The following PIBF1 variants were observed in gnomAD, a reference collection of about 807,000 sequenced individuals.
PIBF1 encodes progesterone immunomodulatory binding factor 1.
Under a neutral mutation model 112.5 loss-of-function variants are expected in PIBF1, and 90 were observed. The ratio of observed to expected loss-of-function variants is 0.80; its 90% CI spans 0.67 to 0.95. The LOEUF is 0.95. PIBF1 is among the 40% of genes least tolerant of loss of function. The probability of loss-of-function intolerance (pLI) is 0.00; values close to 1 mark genes in which losing one functional copy is unlikely to be tolerated. For missense variants in PIBF1, 915 were observed against 852.3 expected, an observed-to-expected ratio of 1.07 and a Z score of -0.92; for synonymous variants, 301 against 288.6, an observed-to-expected ratio of 1.04 and a Z score of -0.44.
rs7319042 is a variant in PIBF1, at chr13:72,973,692, G to C, written c.2049+17G>C. The C allele has an allele frequency of 1.6e-3, 2,238 of 1,374,968 alleles. 24 individuals carry two copies. The African/African-American group carries it at 0.026, about 16-fold the overall frequency. The allele number at this position is 1,374,968 out of a possible 1,614,324, so 85.2% of individuals were successfully genotyped here. A position where few individuals can be genotyped will look rare whatever the true frequency, so the allele number is the denominator to read the frequency against. On this transcript the variant is annotated intron_variant, in intron 16 of 17. Coordinates refer to ENST00000326291, the MANE Select transcript of PIBF1 (RefSeq NM_006346.4). ...CATCGTGAGGTATTTTTCCTATTTT[G>C]TCATAATTGTAATCATTTTAGGCTT...
At chr13:72,948,345 G>A (rs551526598) in intron 14 of PIBF1, among the ~76,000 whole-genome samples, 3 of 152,292 alleles carry the variant, frequency 2.0e-5, no homozygotes, top group Middle Eastern at 3.4e-3. Flanking sequence ...CATAGCAAGA[G>A]TGACCTTTAC....
chr13:72,785,590 A>G (rs2034556704), intron 2 of PIBF1, among the ~76,000 whole-genome samples: 1 of 152,228 alleles, frequency 6.6e-6, no homozygotes, highest in African/African-American at 2.4e-5. Context: ...TAGGTACCCT[A>G]TACAGTCACC....
At chr13:72,875,241 A>G (rs761426060) in intron 10 of PIBF1, among the ~76,000 whole-genome samples, 6 of 152,142 alleles carry the variant, frequency 3.9e-5, no homozygotes, top group Admixed American at 2.6e-4. Flanking sequence ...TTCATAGCTC[A>G]TATCTTTCAG....
At position 72,908,539 on chromosome 13, in the gene PIBF1, C is replaced by A; in HGVS notation, c.1497C>A (p.Thr499=). 6.3e-7 allele frequency: 1 copy of A among 1,596,768 alleles called. No individual in the cohort carries two copies. Among genetic ancestry groups the A allele is most frequent in the South Asian group, 1.1e-5 (1 of 87,708 alleles). Reference sequence around the variant, plus strand: ...TTCTCTTTCACTATTAGGTTTTAACCAAAGAATTTTATAGTCTCCAAGCCT... The same window carrying A: ...TTCTCTTTCACTATTAGGTTTTAACAAAAGAATTTTATAGTCTCCAAGCCT... The part of the protein sequence containing the change: ...EKYQKKLEVL[T]KEFYSLQASS... The change falls in exon 12 of 18, where the codon ACC becomes ACA. Residue 499 remains threonine (T), a synonymous_variant. Transcript: ENST00000326291.
chr13:72,783,533 G>A lies in PIBF1; in HGVS notation c.64G>A (p.Asp22Asn). 1.2e-6 allele frequency: 2 copies of A among 1,613,502 alleles called. No individual in the cohort carries two copies. Among genetic ancestry groups the A allele is most frequent in the Non-Finnish European group, 1.7e-6 (2 of 1,179,444 alleles). Reference protein sequence around the residue: ...VNISSSLESEDISLETTVPTD... With the variant: ...VNISSSLESENISLETTVPTD... ...CATCTCTAGTTCTCTGGAATCTGAA[G>A]ATATTAGTTTAGAAACAACAGTTCC... Residue 22 changes from aspartate to asparagine, a missense_variant, in exon 2 of 18, where the codon GAT (aspartate) becomes AAT (asparagine). Coordinates refer to ENST00000326291, the MANE Select transcript of PIBF1 (RefSeq NM_006346.4).
At chr13:72,940,730 A>G (rs1056126891) in intron 14 of PIBF1, among the ~76,000 whole-genome samples, 8 of 152,154 alleles carry the variant, frequency 5.3e-5, no homozygotes, top group Non-Finnish European at 8.8e-5. Context: ...CGTAAGGCCA[A>G]TTTCTCCCCC....
At chr13:72,853,060 A>G (rs575887376) in intron 9 of PIBF1, among the ~76,000 whole-genome samples, 10,585 of 96,730 alleles carry the variant, frequency 0.11, 554 homozygotes, top group Middle Eastern at 0.21. Context: ...AAGGAGATTT[A>G]AAAAAAAAAA....
At chr13:72,790,520 T>TCACAC (rs2034863451) in intron 2 of PIBF1, among the ~76,000 whole-genome samples, 1 of 87,656 alleles carries the variant, frequency 1.1e-5, no homozygotes, top group Non-Finnish European at 3.1e-5. Context: ...CATAGATAGA[T>TCACAC]AGATAGATAG....
At chr13:73,003,362 C>G (rs540364605) in intron 17 of PIBF1, among the ~76,000 whole-genome samples, 1 of 152,112 alleles carries the variant, frequency 6.6e-6, no homozygotes, top group South Asian at 2.1e-4. Flanking sequence ...AAGCAGTTCT[C>G]TTGCCTCAGC....
chr13:72,848,115 T>C (rs542001653), intron 9 of PIBF1, among the ~76,000 whole-genome samples: 2 of 152,290 alleles, frequency 1.3e-5, no homozygotes, highest in African/African-American at 2.4e-5. Flanking sequence ...GTTATTTTTG[T>C]TTGTTTTTGT....
At chr13:72,845,040 A>G (rs1192886108) in intron 9 of PIBF1, among the ~76,000 whole-genome samples, 3 of 151,980 alleles carry the variant, frequency 2.0e-5, no homozygotes, top group Non-Finnish European at 4.4e-5. Context: ...TTGCATAGGT[A>G]TACATGTGCC....
At chr13:72,920,352 G>A (rs1378667556) in intron 13 of PIBF1, among the ~76,000 whole-genome samples, 3 of 152,104 alleles carry the variant, frequency 2.0e-5, no homozygotes, top group Non-Finnish European at 2.9e-5. Flanking sequence ...GCTGAATGAC[G>A]GGAAAGTAAG....
rs1406097682 is a variant in PIBF1, at chr13:72,998,676, C to T, written c.2050-146C>T. On this transcript the variant is annotated intron_variant, in intron 16 of 17. Transcript: ENST00000326291. Reference sequence around the variant, plus strand: ...TATTAATGATCAAAAGATTCATGTGCATGATTCTAATTACTATTTTATTTT... The same window carrying T: ...TATTAATGATCAAAAGATTCATGTGTATGATTCTAATTACTATTTTATTTT... 30 of 578,630 alleles carry T rather than the reference C, an allele frequency of 5.2e-5. No individual in the cohort carries two copies. The East Asian group carries it at 9.0e-4, about 17-fold the overall frequency. The allele number at this position is 578,630 out of a possible 1,614,324, so 35.8% of individuals were successfully genotyped here. A position where few individuals can be genotyped will look rare whatever the true frequency, so the allele number is the denominator to read the frequency against.
At chr13:72,826,941 C>T (rs2036837762) in intron 6 of PIBF1, 69 bp from the exon 7 acceptor site, 2 of 813,246 alleles carry the variant, frequency 2.5e-6, no homozygotes, top group South Asian at 2.2e-5. Flanking sequence ...ACATAGTCAA[C>T]CCTTTTAAAG....
At chr13:72,921,262 C>T (rs2041280668) in intron 13 of PIBF1, among the ~76,000 whole-genome samples, 1 of 152,016 alleles carries the variant, frequency 6.6e-6, no homozygotes, top group African/African-American at 2.4e-5. Context: ...GCCACCACGC[C>T]TGGCTAATTG....
At chr13:72,895,592 T>A (rs2040249685) in intron 11 of PIBF1, among the ~76,000 whole-genome samples, 2 of 152,224 alleles carry the variant, frequency 1.3e-5, no homozygotes, top group South Asian at 2.1e-4. Context: ...CTTTTTTTTT[T>A]ACCTTTAGAT....
At chr13:72,844,754 C>CTGTTT (rs1236466865) in intron 9 of PIBF1, among the ~76,000 whole-genome samples, 7 of 102,196 alleles carry the variant, frequency 6.8e-5, no homozygotes, top group South Asian at 3.7e-4. Context: ...CACACACACA[C>CTGTTT]ACACACACAC....
chr13:72,944,940 T>C (rs965873085), intron 14 of PIBF1, among the ~76,000 whole-genome samples: 7 of 152,092 alleles, frequency 4.6e-5, no homozygotes, highest in African/African-American at 1.7e-4. Flanking sequence ...CTGATTTTTG[T>C]ATTTCTCTGG....
chr13:72,811,502 AG>A (rs1373074283), intron 5 of PIBF1, among the ~76,000 whole-genome samples: 5 of 151,704 alleles, frequency 3.3e-5, no homozygotes, highest in African/African-American at 1.2e-4. Context: ...AGGCTGAGGC[AG>A]GAGAATCACT....
Sources: allele counts gnomAD v4.1 joint callset (sites outside exome capture counted in the v4.1 genomes callset), GRCh38; gene constraint gnomAD v4.1.1; transcripts MANE v1.5; gene names NCBI Gene and HGNC (gene_info 2026-07-23, HGNC 2026-07-21).